The following SGCZ variants were observed in gnomAD, a reference collection of about 807,000 sequenced individuals.
The protein encoded by SGCZ is zeta-sarcoglycan.
In SGCZ, 40 loss-of-function variants were observed where a neutral mutation model predicts 41.3. The ratio of observed to expected loss-of-function variants is 0.97; its 90% CI spans 0.75 to 1.26. SGCZ has a LOEUF of 1.26. Among genes scored for constraint, SGCZ ranks in the 50% most tolerant of loss-of-function variants. The pLI, the probability that SGCZ is intolerant of heterozygous loss-of-function variation, is 0.00. For missense variants in SGCZ, 552 were observed against 369.8 expected (o/e 1.49, Z -4.04); for synonymous variants, 206 against 137.5 (o/e 1.50, Z -3.49).
chr8:14,679,764 A>G (rs1808384592), intron 1 of SGCZ, among the ~76,000 whole-genome samples: 1 of 152,020 alleles, frequency 6.6e-6, no homozygotes, highest in Admixed American at 6.6e-5. Flanking sequence ...TTATCCCTTT[A>G]TATTCACTAG....
intron 1 of SGCZ, among the ~76,000 whole-genome samples, chr8:14,958,488 T>A (rs528007481): frequency 6.6e-6 from 1 of 152,052 alleles, no homozygotes; most frequent in Admixed American, 6.6e-5. Context: ...AAAGGTCACA[T>A]CCTGAATGAT....
At chr8:15,001,167 A>G (rs565568960) in intron 1 of SGCZ, among the ~76,000 whole-genome samples, 1 of 152,324 alleles carries the variant, frequency 6.6e-6, no homozygotes, top group Non-Finnish European at 1.5e-5. Context: ...ATCAGGATGG[A>G]ATCAAGTCAG....
intron 2 of SGCZ, among the ~76,000 whole-genome samples, chr8:14,480,549 T>C (rs150341153): frequency 6.5e-4 from 99 of 151,604 alleles, no homozygotes; most frequent in African/African-American, 2.2e-3. Flanking sequence ...TAATTCTTTA[T>C]ACTCAATTTA....
intron 1 of SGCZ, among the ~76,000 whole-genome samples, chr8:15,162,405 T>C (rs1799536756): frequency 6.6e-6 from 1 of 152,252 alleles, no homozygotes; most frequent in African/African-American, 2.4e-5. Flanking sequence ...AGACAACTGA[T>C]ACTTTTCTTT....
At chr8:14,898,548 A>C (rs1805288136) in intron 1 of SGCZ, among the ~76,000 whole-genome samples, 1 of 152,222 alleles carries the variant, frequency 6.6e-6, no homozygotes, top group African/African-American at 2.4e-5. Flanking sequence ...ATGAAGAATA[A>C]ATTGGTAAAA....
At chr8:14,725,212 A>G (rs1283845734) in intron 1 of SGCZ, among the ~76,000 whole-genome samples, 1 of 152,206 alleles carries the variant, frequency 6.6e-6, no homozygotes, top group Non-Finnish European at 1.5e-5. Flanking sequence ...TCCATTGTGT[A>G]TATAGACCAC....
intron 1 of SGCZ, among the ~76,000 whole-genome samples, chr8:15,032,614 AC>A: frequency 6.6e-6 from 1 of 152,194 alleles, no homozygotes; most frequent in East Asian, 1.9e-4. Context: ...CACTGGGCTG[AC>A]CCCAGAAACT....
rs777204743 is a variant in SGCZ at position 14,830,104 on chromosome 8, C to T, written c.40-275178G>A. 4.1e-4 allele frequency among the ~76,000 whole-genome samples: 63 copies of T among 152,166 alleles called. 1 individual carries two copies. Among genetic ancestry groups the T allele is most frequent in the Non-Finnish European group, 5.9e-4 (40 of 68,042 alleles). On this transcript the variant is annotated intron_variant, in intron 1 of 7. Coordinates refer to ENST00000382080, the MANE Select transcript of SGCZ (RefSeq NM_139167.4). ...GGATTACAGGCATGAGCCACCGCAC[C>T]CGGCCTTATGTTTGTATTTTTTATT...
intron 3 of SGCZ, among the ~76,000 whole-genome samples, chr8:14,258,814 A>C (rs907906660): frequency 6.6e-6 from 1 of 152,190 alleles, no homozygotes. Context: ...AGCACAATAG[A>C]AATAAATGAG....
At chr8:15,015,725 ACG>A (rs965272517) in intron 1 of SGCZ, among the ~76,000 whole-genome samples, 3 of 85,804 alleles carry the variant, frequency 3.5e-5, no homozygotes, top group African/African-American at 4.8e-5. Context: ...AGAAATATAC[ACG>A]TGTGTGTGTG....
chr8:14,421,911 G>T (rs2117308065), intron 2 of SGCZ, among the ~76,000 whole-genome samples: 1 of 152,210 alleles, frequency 6.6e-6, no homozygotes, highest in African/African-American at 2.4e-5. Context: ...ATGTTAGTGG[G>T]AAGCTTATGG....
At chr8:14,713,448 T>A (rs2130144698) in intron 1 of SGCZ, among the ~76,000 whole-genome samples, 1 of 152,172 alleles carries the variant, frequency 6.6e-6, no homozygotes, top group Admixed American at 6.5e-5. Flanking sequence ...AGGAGGGAAA[T>A]AAATTATTGA....
chr8:15,236,729 C>A (rs904513756), intron 1 of SGCZ, among the ~76,000 whole-genome samples: 3 of 152,142 alleles, frequency 2.0e-5, no homozygotes. Flanking sequence ...GGCAGAGGGG[C>A]GCGTTGTCAC....
At chr8:15,088,284 A>T (rs531514744) in intron 1 of SGCZ, among the ~76,000 whole-genome samples, 239 of 152,300 alleles carry the variant, frequency 1.6e-3, no homozygotes, top group Non-Finnish European at 2.9e-3. Flanking sequence ...CATCTATGAC[A>T]TAAGAATATG....
intron 1 of SGCZ, among the ~76,000 whole-genome samples, chr8:14,920,887 G>T (rs754428218): frequency 6.6e-6 from 1 of 152,174 alleles, no homozygotes. Flanking sequence ...GGCACCGCAT[G>T]CCTGAACCAG....
At chr8:14,288,124 T>C (rs1201147502) in intron 3 of SGCZ, among the ~76,000 whole-genome samples, 1 of 152,094 alleles carries the variant, frequency 6.6e-6, no homozygotes, top group Non-Finnish European at 1.5e-5. Context: ...AGATGCAAGA[T>C]CTCTGTTGAC....
intron 4 of SGCZ, among the ~76,000 whole-genome samples, chr8:14,190,053 C>T (rs1805044892): frequency 8.5e-6 from 1 of 117,954 alleles, no homozygotes. Flanking sequence ...TGCTCTGTCA[C>T]CCAGGCTGGA....
At chr8:15,041,762 T>C (rs1804105371) in intron 1 of SGCZ, among the ~76,000 whole-genome samples, 1 of 152,088 alleles carries the variant, frequency 6.6e-6, no homozygotes, top group South Asian at 2.1e-4. Flanking sequence ...TTTTAATTCT[T>C]ATATGGGGAA....
intron 1 of SGCZ, among the ~76,000 whole-genome samples, chr8:14,665,739 C>G (rs138965111): frequency 3.9e-4 from 59 of 152,202 alleles, no homozygotes; most frequent in Middle Eastern, 3.4e-3. Context: ...AAAGAAGATG[C>G]ATCTATATTT....
Sources: gnomAD v4.1 joint callset for allele counts (sites outside exome capture counted in the v4.1 genomes callset) on GRCh38, gnomAD v4.1.1 for gene constraint, MANE v1.5 for transcripts, NCBI Gene and HGNC (gene_info 2026-07-23, HGNC 2026-07-21) for gene names.